The following PRKN variants were observed in gnomAD, a reference collection of about 807,000 sequenced individuals.
The protein encoded by PRKN is parkin RBR E3 ubiquitin protein ligase.
A neutral mutation model predicts 59.5 loss-of-function variants in PRKN; 56 were observed. The observed-to-expected ratio is 0.94, with a 90% CI of 0.76 to 1.18. The LOEUF (loss-of-function observed/expected upper bound fraction) is 1.18. Ranked by LOEUF, PRKN falls within the 50% of genes most tolerant of loss-of-function variation. The pLI is 0.00. For synonymous variants in PRKN, 250 were observed against 222.1 expected (o/e 1.13, Z -1.12); for missense variants, 657 against 596.4 (o/e 1.10, Z -1.06).
chr6:162,045,525 G>A (rs1582948316), intron 5 of PRKN, among the ~76,000 whole-genome samples: 1 of 152,332 alleles, frequency 6.6e-6, no homozygotes, highest in East Asian at 1.9e-4. Context: ...TCTCAGTTGT[G>A]ATTTGATTCT....
chr6:162,001,847 C>CTT lies in PRKN; in HGVS notation c.619-28432_619-28431dup, dbSNP rs35789599. 7.2e-3 allele frequency among the ~76,000 whole-genome samples: 838 copies of CTT among 116,586 alleles called. 19 individuals carry two copies. Among genetic ancestry groups the CTT allele is most frequent in the African/African-American group, 0.026 (801 of 30,656 alleles). The allele number at this position is 116,586 out of a possible 152,430, so 76.5% of individuals were successfully genotyped here. On this transcript the variant is annotated intron_variant, in intron 5 of 11. Coordinates refer to ENST00000366898, the MANE Select transcript of PRKN (RefSeq NM_004562.3). ...CCCTGTATCTCTAGTTTGCAAATAGCTTTTTTTTTTTTTTTTTTTTAAATC... is the reference window on the plus strand; with the variant it reads ...CCCTGTATCTCTAGTTTGCAAATAGCTTTTTTTTTTTTTTTTTTTTTTAAATC...
intron 7 of PRKN, among the ~76,000 whole-genome samples, chr6:161,571,068 A>G (rs1453317639): frequency 6.6e-6 from 1 of 151,936 alleles, no homozygotes; most frequent in African/African-American, 2.4e-5. Flanking sequence ...AGTAGCTGGG[A>G]CTACAGGTGT....
intron 2 of PRKN, among the ~76,000 whole-genome samples, chr6:162,440,311 A>C (rs892068142): frequency 6.6e-6 from 1 of 152,112 alleles, no homozygotes; most frequent in Non-Finnish European, 1.5e-5. Flanking sequence ...TAATCTTACA[A>C]ATACCCTTTG....
intron 1 of PRKN, among the ~76,000 whole-genome samples, chr6:162,617,681 T>C (rs758658494): frequency 1.3e-5 from 2 of 152,230 alleles, no homozygotes; most frequent in Admixed American, 6.5e-5. Context: ...AGATTCCACA[T>C]ACAAGTGAAA....
At chr6:162,424,062 G>A (rs1032501454) in intron 2 of PRKN, among the ~76,000 whole-genome samples, 6 of 152,060 alleles carry the variant, frequency 3.9e-5, no homozygotes, top group Non-Finnish European at 5.9e-5. Flanking sequence ...ACAAGGAAAC[G>A]CCATTCAATG....
chr6:161,420,759 C>T (rs4454114), intron 9 of PRKN, among the ~76,000 whole-genome samples: 81,328 of 151,922 alleles, frequency 0.54, 23,756 homozygotes, highest in African/African-American at 0.76. Flanking sequence ...ATTTCCCCCC[C>T]ACATCAGCCT....
intron 6 of PRKN, among the ~76,000 whole-genome samples, chr6:161,906,867 G>A (rs1410299893): frequency 1.3e-5 from 2 of 151,758 alleles, no homozygotes; most frequent in Non-Finnish European, 2.9e-5. Flanking sequence ...TTTCCAGCAC[G>A]GGAGAAAGAT....
chr6:162,711,350 G>C (rs143370568), intron 1 of PRKN, among the ~76,000 whole-genome samples: 1 of 151,318 alleles, frequency 6.6e-6, no homozygotes, highest in Non-Finnish European at 1.5e-5. Flanking sequence ...CACTGATACA[G>C]ATGCCTGCAG....
At chr6:162,135,127 T>G (rs957213782) in intron 4 of PRKN, among the ~76,000 whole-genome samples, 4 of 152,072 alleles carry the variant, frequency 2.6e-5, no homozygotes, top group Non-Finnish European at 1.5e-5. Context: ...AATAAAATAT[T>G]AGTTTTGTTG....
At chr6:161,888,208 T>C (rs1197343276) in intron 6 of PRKN, among the ~76,000 whole-genome samples, 1 of 152,176 alleles carries the variant, frequency 6.6e-6, no homozygotes. Context: ...AGACAATGTG[T>C]CCTTCCATTT....
At chr6:162,239,299 TA>T (rs2128090522) in intron 3 of PRKN, among the ~76,000 whole-genome samples, 1 of 152,326 alleles carries the variant, frequency 6.6e-6, no homozygotes, top group East Asian at 1.9e-4. Context: ...ATTTTATCTA[TA>T]TTTTTCCTGG....
chr6:162,632,846 T>G (rs1233905740), intron 1 of PRKN, among the ~76,000 whole-genome samples: 1 of 152,146 alleles, frequency 6.6e-6, no homozygotes, highest in African/African-American at 2.4e-5. Flanking sequence ...GTAATTCTAA[T>G]ATAATACAAA....
rs1167115168 is a variant in PRKN, at chr6:161,551,595, C to A, written c.934-2592G>T. Among the ~76,000 whole-genome samples, 1 of 152,078 alleles carries A rather than the reference C, an allele frequency of 6.6e-6. No homozygotes were observed. Among genetic ancestry groups the A allele is most frequent in the Non-Finnish European group, 1.5e-5 (1 of 68,022 alleles). On this transcript the variant is annotated intron_variant, in intron 8 of 11. Transcript: ENST00000366898. The surrounding 1 kb of genome is among the most constrained non-coding windows in gnomAD (Gnocchi z 5.2). ...GGAGCTGGGTGTGTGGCTGCCATTG[C>A]GGTCTTGAAAAGTCATTTCAGTGGA...
At chr6:162,435,980 T>G (rs1041589730) in intron 2 of PRKN, among the ~76,000 whole-genome samples, 5 of 151,976 alleles carry the variant, frequency 3.3e-5, no homozygotes, top group Non-Finnish European at 7.4e-5. Context: ...AGCCTCTTTC[T>G]GTTTTATAGT....
At chr6:161,752,917 T>A (rs1583105987) in intron 7 of PRKN, among the ~76,000 whole-genome samples, 1 of 151,972 alleles carries the variant, frequency 6.6e-6, no homozygotes, top group South Asian at 2.1e-4. Flanking sequence ...ATCAGGGGCA[T>A]CAGGAAGGGA....
intron 1 of PRKN, among the ~76,000 whole-genome samples, chr6:162,461,374 C>T (rs1197567146): frequency 1.3e-5 from 2 of 150,284 alleles, no homozygotes; most frequent in Non-Finnish European, 3.0e-5. Flanking sequence ...TGGTGGCACA[C>T]ACCTGTAATA....
At chr6:162,174,970 A>G (rs556308870) in intron 4 of PRKN, among the ~76,000 whole-genome samples, 3 of 152,350 alleles carry the variant, frequency 2.0e-5, no homozygotes, top group Middle Eastern at 3.4e-3. Context: ...GATAACTTGG[A>G]AATTACACAG....
intron 3 of PRKN, among the ~76,000 whole-genome samples, chr6:162,205,160 C>T (rs1437377401): frequency 6.6e-6 from 1 of 152,120 alleles, no homozygotes; most frequent in Non-Finnish European, 1.5e-5. Flanking sequence ...CACGCCCGGC[C>T]AAGTCCATCT....
In PRKN at chr6:161,357,489, A is replaced by G. The variant is rs537124350; in HGVS notation, c.1285+2599T>C. 1.4e-4 allele frequency among the ~76,000 whole-genome samples: 21 copies of G among 152,338 alleles called. No homozygotes were observed. Among genetic ancestry groups the G allele is most frequent in the Non-Finnish European group, 2.5e-4 (17 of 68,030 alleles). ...TGTGACGCCTGCCAGAAGTGGGAAC[A>G]TGGGTGGGTGTTTAAGGATCCCCTT... On this transcript the variant is annotated intron_variant, in intron 11 of 11. Coordinates refer to ENST00000366898, the MANE Select transcript of PRKN (RefSeq NM_004562.3). This position sits in a 1 kb window ranked among gnomAD's most constrained non-coding sequence, Gnocchi z 5.5.
Sources: gnomAD v4.1 joint callset for allele counts (sites outside exome capture counted in the v4.1 genomes callset) on GRCh38, gnomAD v4.1.1 for gene constraint, Gnocchi (gnomAD v3.1) non-coding constraint, MANE v1.5 for transcripts, NCBI Gene and HGNC (gene_info 2026-07-23, HGNC 2026-07-21) for gene names.